C2orf76: variants seen among roughly 807,000 people sequenced by gnomAD.
C2orf76 encodes UPF0538 protein C2orf76.
A neutral mutation model predicts 16.9 loss-of-function variants in C2orf76; 23 were observed. The observed-to-expected ratio is 1.36, with a 90% CI of 0.98 to 1.93. C2orf76 has a LOEUF of 1.93. Ranked by LOEUF, C2orf76 falls within the 30% of genes most tolerant of loss-of-function variation. C2orf76 has a pLI of 0.00. For missense variants in C2orf76, 152 were observed against 152.6 expected (o/e 1.00, Z 0.02); for synonymous variants, 48 against 52.3 (o/e 0.92, Z 0.35).
At chr2:119,342,327 T>C (rs966499255) in intron 1 of C2orf76, among the ~76,000 whole-genome samples, 1 of 152,126 alleles carries the variant, frequency 6.6e-6, no homozygotes, top group Non-Finnish European at 1.5e-5. Flanking sequence ...TAGGAGACAA[T>C]TGGCCAGGCG....
At chr2:119,359,123 A>C (rs1014163102) in intron 1 of C2orf76, among the ~76,000 whole-genome samples, 3 of 152,150 alleles carry the variant, frequency 2.0e-5, no homozygotes, top group Admixed American at 1.3e-4. Flanking sequence ...ATTATGTTAA[A>C]TCTACTCTAC....
chr2:119,299,663 T>C (rs1678587113), downstream of C2orf76, among the ~76,000 whole-genome samples: 1 of 152,208 alleles, frequency 6.6e-6, no homozygotes, highest in Admixed American at 6.5e-5. Flanking sequence ...TTTTGATTTT[T>C]TTTCTGTATT....
downstream of C2orf76, among the ~76,000 whole-genome samples, chr2:119,301,124 T>C (rs1678615559): frequency 7.0e-6 from 1 of 143,878 alleles, no homozygotes; most frequent in African/African-American, 2.7e-5. Flanking sequence ...CTGTCAACAA[T>C]GCTCTGATGG....
At chr2:119,363,445 A>G (rs9677920) in intron 1 of C2orf76, among the ~76,000 whole-genome samples, 3,470 of 151,940 alleles carry the variant, frequency 0.023, 109 homozygotes, top group African/African-American at 0.078. Flanking sequence ...AGGCAAAAAA[A>G]AAAAACTAGT....
chr2:119,355,286 C>T (rs1003149322), intron 1 of C2orf76, among the ~76,000 whole-genome samples: 1 of 152,222 alleles, frequency 6.6e-6, no homozygotes, highest in African/African-American at 2.4e-5. Flanking sequence ...GGGTCTCTCA[C>T]ACGTCTGCGT....
intron 3 of C2orf76, among the ~76,000 whole-genome samples, chr2:119,320,569 C>G (rs746938100): frequency 1.1e-4 from 16 of 151,644 alleles, no homozygotes; most frequent in Non-Finnish European, 2.1e-4. Flanking sequence ...CAAATGAGAA[C>G]AGAATGAAAA....
At chr2:119,329,023 G>A (rs530779431) in intron 2 of C2orf76, among the ~76,000 whole-genome samples, 1 of 152,162 alleles carries the variant, frequency 6.6e-6, no homozygotes, top group East Asian at 1.9e-4. Flanking sequence ...ATTCATAAAC[G>A]CTCCATGTGC....
downstream of C2orf76, among the ~76,000 whole-genome samples, chr2:119,298,787 CA>C (rs1014744788): frequency 1.3e-5 from 2 of 151,728 alleles, no homozygotes; most frequent in Non-Finnish European, 2.9e-5. Context: ...TCTCTTAGTT[CA>C]AAAAAAACTT....
intron 1 of C2orf76, among the ~76,000 whole-genome samples, chr2:119,358,890 T>C (rs1234680561): frequency 6.6e-6 from 1 of 152,202 alleles, no homozygotes; most frequent in Non-Finnish European, 1.5e-5. Flanking sequence ...CTAGCTAAGA[T>C]TGATGAAGCT....
rs571630217 is a variant in C2orf76 at position 119,314,671 on chromosome 2, T to G, written c.222+2795A>C. On this transcript the variant is annotated intron_variant, in intron 4 of 5. Coordinates refer to ENST00000334816, the MANE Select transcript of C2orf76 (RefSeq NM_001322331.2). ...TTACTCTCATTTCTCTTTTTCAAAA[T>G]TCTCCTGATTATTCTTATTTTTTAC... Among the ~76,000 whole-genome samples the G allele has an allele frequency of 2.0e-5, 3 of 152,350 alleles. No homozygotes were observed. In the East Asian group the frequency reaches 5.8e-4, roughly 29 times the overall value.
At chr2:119,305,878 G>A (rs752589485) in intron 5 of C2orf76, among the ~76,000 whole-genome samples, 2 of 150,474 alleles carry the variant, frequency 1.3e-5, no homozygotes, top group Non-Finnish European at 2.9e-5. Flanking sequence ...TTTTGGATCT[G>A]CTGGCAGAGA....
intron 2 of C2orf76, 42 bp downstream of exon 2, chr2:119,339,785 T>A (rs1246885195): frequency 3.9e-6 from 6 of 1,540,966 alleles, no homozygotes; most frequent in Non-Finnish European, 5.3e-6. Flanking sequence ...CAGCTATTTT[T>A]AAAAACTACT....
intron 2 of C2orf76, among the ~76,000 whole-genome samples, chr2:119,330,308 C>T (rs921105405): frequency 6.8e-6 from 1 of 147,276 alleles, no homozygotes; most frequent in Non-Finnish European, 1.5e-5. Context: ...ACCTAGGAGG[C>T]AGAGGTTGCA....
intron 2 of C2orf76, among the ~76,000 whole-genome samples, chr2:119,326,826 A>T (rs1021059321): frequency 2.0e-5 from 3 of 150,420 alleles, no homozygotes; most frequent in Admixed American, 6.7e-5. Flanking sequence ...ATGTTTTATC[A>T]TTTTTTTTTC....
At chr2:119,320,505 T>C (rs1482886371) in intron 3 of C2orf76, among the ~76,000 whole-genome samples, 1 of 152,114 alleles carries the variant, frequency 6.6e-6, no homozygotes, top group African/African-American at 2.4e-5. Flanking sequence ...TTAAAATGCA[T>C]ACACACGGCG....
chr2:119,307,845 G>A (rs895751195), intron 5 of C2orf76, among the ~76,000 whole-genome samples: 2 of 152,134 alleles, frequency 1.3e-5, no homozygotes, highest in East Asian at 3.9e-4. Context: ...ATCACAACAA[G>A]ACCAACAACT....
chr2:119,348,843 A>G lies in C2orf76; in HGVS notation c.-12-8872T>C, dbSNP rs1411770125. Among the ~76,000 whole-genome samples, 4 of 152,132 alleles carry G rather than the reference A, an allele frequency of 2.6e-5. No homozygotes were observed. In the East Asian group the frequency reaches 7.7e-4, roughly 29 times the overall value. On this transcript the variant is annotated intron_variant, in intron 1 of 5. Transcript: ENST00000334816. Reference sequence around the variant, plus strand: ...GAAACCCCATCTCTACTAAAAATACAAAAGTTAGCCCGGCATGGTGGCGTA... The same window carrying G: ...GAAACCCCATCTCTACTAAAAATACGAAAGTTAGCCCGGCATGGTGGCGTA...
At chr2:119,347,314 A>G (rs1680235194) in intron 1 of C2orf76, among the ~76,000 whole-genome samples, 1 of 152,238 alleles carries the variant, frequency 6.6e-6, no homozygotes, top group Non-Finnish European at 1.5e-5. Context: ...TGAGAAATAA[A>G]GAAAAGAGAG....
intron 1 of C2orf76, 63 bp downstream of exon 1, chr2:119,366,727 T>C: frequency 1.9e-6 from 1 of 515,004 alleles, no homozygotes; most frequent in East Asian, 3.6e-5. Flanking sequence ...GGGCCAGGAC[T>C]GAACCCAACT....
Sources: gnomAD v4.1 joint callset for allele counts (sites outside exome capture counted in the v4.1 genomes callset) on GRCh38, gnomAD v4.1.1 for gene constraint, MANE v1.5 for transcripts, NCBI Gene and HGNC (gene_info 2026-07-23, HGNC 2026-07-21) for gene names.